Variants in NEK9 observed in about 807,000 individuals in gnomAD.
NEK9 encodes serine/threonine-protein kinase Nek9.
Under a neutral mutation model 123.4 loss-of-function variants are expected in NEK9, and 75 were observed. That is an observed-to-expected ratio of 0.61 (90% CI 0.50 to 0.74). The LOEUF (loss-of-function observed/expected upper bound fraction) is 0.74, where lower values mean the gene tolerates loss of function less well. Ranked by LOEUF, NEK9 falls within the 30% of genes least tolerant of loss-of-function variation. The pLI, the probability that NEK9 is intolerant of heterozygous loss-of-function variation, is 0.00. For synonymous variants in NEK9, 438 were observed against 458.7 expected (o/e 0.95, Z 0.58); for missense variants, 952 against 1,214.4 (o/e 0.78, Z 3.21).
chr14:75,084,005 A>C lies in NEK9; in HGVS notation c.*559T>G, dbSNP rs1261189204. The C allele has an allele frequency of 6.5e-6, 1 of 153,900 alleles. No individual in the cohort carries two copies. Among genetic ancestry groups the C allele is most frequent in the East Asian group, 1.9e-4 (1 of 5,222 alleles). 9.5% of individuals were successfully genotyped at this position (153,900 alleles called of 1,614,324 possible). ...TGCACAGAGTAACTGAACTTTTTCG[A>C]AACAAGCCCTAGATTGACTCCATCA... On this transcript the variant is annotated 3_prime_UTR_variant, in exon 22 of 22. Transcript: ENST00000238616.
intron 16 of NEK9, among the ~76,000 whole-genome samples, chr14:75,099,723 A>T (rs1311304506): frequency 1.6e-4 from 24 of 149,000 alleles, no homozygotes; most frequent in Middle Eastern, 3.4e-3. Context: ...CGGTAGTTGC[A>T]GTGAGCTGAG....
At chr14:75,093,727 T>C (rs1894292704) in intron 18 of NEK9, among the ~76,000 whole-genome samples, 1 of 152,218 alleles carries the variant, frequency 6.6e-6, no homozygotes, top group African/African-American at 2.4e-5. Flanking sequence ...AGTGCTGGTG[T>C]TACAGGCGTG....
intron 1 of NEK9, 150 bp downstream of exon 1, chr14:75,126,553 G>A (rs1314172725): frequency 6.7e-5 from 31 of 464,878 alleles, no homozygotes; most frequent in Admixed American, 4.4e-5. Context: ...TAGTGCCGGT[G>A]AGTGGGAAGA....
In NEK9 at chr14:75,123,165, C is replaced by T. The variant is rs188917353; in HGVS notation, c.397+881G>A. ...CCTGTAATCCCAGCACTTTGGGAGGCGGAGGTGGGCGGATCACCTAAGGTC... is the reference window on the plus strand; with the variant it reads ...CCTGTAATCCCAGCACTTTGGGAGGTGGAGGTGGGCGGATCACCTAAGGTC... On this transcript the variant is annotated intron_variant, in intron 2 of 21. Transcript: ENST00000238616. Among the ~76,000 whole-genome samples, 168 of 152,108 alleles carry T rather than the reference C, an allele frequency of 1.1e-3. 2 individuals carry two copies. The highest frequency in any genetic ancestry group is 3.3e-3 in the Admixed American group (51 of 15,270).
At chr14:75,122,187 T>G (rs1895361291) in intron 2 of NEK9, among the ~76,000 whole-genome samples, 1 of 151,764 alleles carries the variant, frequency 6.6e-6, no homozygotes, top group South Asian at 2.1e-4. Flanking sequence ...AATAACTCAG[T>G]TTCAATAAAT....
intron 19 of NEK9, 26 bp from the exon 20 acceptor site, chr14:75,088,667 T>C (rs754599826): frequency 2.9e-5 from 46 of 1,602,280 alleles, no homozygotes; most frequent in Non-Finnish European, 3.8e-5. Context: ...AGAATCTCAT[T>C]AGTCTGTTTG....
intron 14 of NEK9, among the ~76,000 whole-genome samples, chr14:75,103,302 G>A (rs1894653605): frequency 6.6e-6 from 1 of 151,714 alleles, no homozygotes; most frequent in Non-Finnish European, 1.5e-5. Flanking sequence ...CAGTGATTTG[G>A]GAGAAATCTA....
At chr14:75,126,637 C>G in intron 1 of NEK9, 66 bp downstream of exon 1, 1 of 1,263,208 alleles carries the variant, frequency 7.9e-7, no homozygotes, top group South Asian at 1.8e-5. Flanking sequence ...AAAGCGGGGC[C>G]GAGAAGGAGG....
chr14:75,110,950 T>C (rs907571965), intron 8 of NEK9, among the ~76,000 whole-genome samples: 6 of 152,200 alleles, frequency 3.9e-5, no homozygotes, highest in African/African-American at 1.4e-4. Context: ...ACCTTAGTTC[T>C]GGGTAGCTCT....
At chr14:75,087,373 C>T (rs1380974484) in intron 20 of NEK9, 143 bp from the exon 21 acceptor site, 1 of 620,410 alleles carries the variant, frequency 1.6e-6, no homozygotes, top group Non-Finnish European at 2.8e-6. Context: ...GTACGAGAAA[C>T]AGAAATGCTA....
chr14:75,086,112 C>A (rs997166642), intron 21 of NEK9, among the ~76,000 whole-genome samples: 1 of 151,214 alleles, frequency 6.6e-6, no homozygotes, highest in Non-Finnish European at 1.5e-5. Flanking sequence ...TCACTTGAAC[C>A]CGGGCGGTGG....
chr14:75,089,908 A>C (rs1894156267), intron 19 of NEK9, among the ~76,000 whole-genome samples: 1 of 151,502 alleles, frequency 6.6e-6, no homozygotes, highest in African/African-American at 2.4e-5. Flanking sequence ...CATGTTGGCC[A>C]GGATGGTCTT....
At chr14:75,100,397 G>T (rs1007555093) in intron 16 of NEK9, among the ~76,000 whole-genome samples, 2 of 152,154 alleles carry the variant, frequency 1.3e-5, no homozygotes, top group African/African-American at 2.4e-5. Context: ...GATGAGCCGA[G>T]ATTGCGCCAT....
chr14:75,096,827 G>C (rs1481705657), intron 17 of NEK9: 7 of 248,996 alleles, frequency 2.8e-5, no homozygotes, highest in East Asian at 7.8e-5. Context: ...TCAAAAAAAA[G>C]ACAAAAAAAA....
At chr14:75,097,364 T>G (rs1364493214) in intron 16 of NEK9, 94 bp from the exon 17 acceptor site, 1 of 1,051,154 alleles carries the variant, frequency 9.5e-7, no homozygotes, top group African/African-American at 1.6e-5. Flanking sequence ...CTAGAAAGAC[T>G]TCCCACTATG....
At chr14:75,120,121 T>C (rs1456248278) in intron 4 of NEK9, among the ~76,000 whole-genome samples, 3 of 152,180 alleles carry the variant, frequency 2.0e-5, no homozygotes, top group Non-Finnish European at 4.4e-5. Context: ...ATATACAGAG[T>C]GAAGAGGCTT....
At chr14:75,120,626 T>C (rs1489415999) in intron 3 of NEK9, 46 bp from the exon 4 acceptor site, 4 of 1,417,810 alleles carry the variant, frequency 2.8e-6, no homozygotes, top group Middle Eastern at 1.8e-4. Context: ...AAAAGCTCCA[T>C]TTAAGTAAAT....
rs980163881 is a variant in NEK9 at position 75,084,912 on chromosome 14, C to T, written c.2818-226G>A. On this transcript the variant is annotated intron_variant, in intron 21 of 21. Transcript: ENST00000238616. ...AACTATCCAGGTTTGTCCAGGACTG[C>T]GGGGTTTCCTGGGATGCAGAACTCT... The T allele has an allele frequency of 3.8e-4, 170 of 444,192 alleles. 5 individuals carry two copies. Among genetic ancestry groups the T allele is most frequent in the South Asian group, 2.5e-3 (79 of 31,142 alleles). The allele number at this position is 444,192 out of a possible 1,614,324, so 27.5% of individuals were successfully genotyped here.
At position 75,103,883 on chromosome 14, in the gene NEK9, G is replaced by A. The variant is rs1466934655; in HGVS notation, c.1690C>T (p.Leu564=). 1 of 1,613,972 alleles carries A rather than the reference G, an allele frequency of 6.2e-7. No homozygotes were observed. The highest frequency in any genetic ancestry group is 2.2e-5 in the East Asian group (1 of 44,858). The change falls in exon 14 of 22, where the codon CTG becomes TTG. Residue 564 remains leucine (L), a synonymous_variant. Transcript: ENST00000238616. ...CCCGACATGCACTGATTCAGACCCAGCTTATTGAATTCATTGAGTCCACAG... is the reference window on the plus strand; with the variant it reads ...CCCGACATGCACTGATTCAGACCCAACTTATTGAATTCATTGAGTCCACAG... The part of the protein sequence containing the change: ...LACGLNEFNK[L]GLNQCMSGII...
Sources: gnomAD v4.1 joint callset for allele counts (sites outside exome capture counted in the v4.1 genomes callset) on GRCh38, gnomAD v4.1.1 for gene constraint, MANE v1.5 for transcripts, NCBI Gene and HGNC (gene_info 2026-07-23, HGNC 2026-07-21) for gene names.